Variants in TBC1D31 observed in about 807,000 individuals in gnomAD.
TBC1D31 encodes the protein TBC1 domain family member 31.
TBC1D31 carries 99 observed loss-of-function variants against 132.9 expected under a neutral mutation model. That is an observed-to-expected ratio of 0.74 (90% CI 0.63 to 0.88). The LOEUF is 0.88. Among genes scored for constraint, TBC1D31 ranks in the 40% least tolerant of loss-of-function variants. The pLI, the probability that TBC1D31 is intolerant of heterozygous loss-of-function variation, is 0.00. For missense variants in TBC1D31, 1,134 were observed against 1,256.6 expected (o/e 0.90, Z 1.48); for synonymous variants, 385 against 419.4 (o/e 0.92, Z 1.00).
At chr8:123,129,284 T>C in intron 15 of TBC1D31, 66 bp downstream of exon 15, 1 of 1,119,504 alleles carries the variant, frequency 8.9e-7, no homozygotes, top group Non-Finnish European at 1.2e-6. Flanking sequence ...TTATGTTCTT[T>C]CATTTTTTCA....
intron 4 of TBC1D31, 28 bp downstream of exon 4, chr8:123,084,368 T>C: frequency 6.2e-7 from 1 of 1,604,640 alleles, no homozygotes; most frequent in South Asian, 1.1e-5. Context: ...TCTTGGTCTG[T>C]TGTGCTTCTC....
At chr8:123,157,016 A>T (rs1321676666), downstream of TBC1D31, among the ~76,000 whole-genome samples, 1 of 152,238 alleles carries the variant, frequency 6.6e-6, no homozygotes, top group Non-Finnish European at 1.5e-5. Context: ...CAGGTCGAGC[A>T]GTCGGGGACT....
At position 123,109,638 on chromosome 8, in the gene TBC1D31, C is replaced by T; in HGVS notation, c.1436+18C>T. On this transcript the variant is annotated intron_variant, in intron 10 of 21. Transcript: ENST00000287380. ...TTACAGAGGTATGTTCTATATATTG[C>T]AGCAATGTGTATGAGACCTGTAACT... 1 of 1,583,488 alleles carries T rather than the reference C, an allele frequency of 6.3e-7. No homozygotes were observed. The highest frequency in any genetic ancestry group is 8.6e-7 in the Non-Finnish European group (1 of 1,166,138).
intron 16 of TBC1D31, among the ~76,000 whole-genome samples, chr8:123,133,547 A>G (rs1156713376): frequency 1.3e-5 from 2 of 152,334 alleles, no homozygotes; most frequent in Admixed American, 1.3e-4. Flanking sequence ...CATTTCTAAG[A>G]GTCTCTAGAG....
intron 2 of TBC1D31, among the ~76,000 whole-genome samples, chr8:123,079,026 C>T (rs938740995): frequency 6.6e-6 from 1 of 152,148 alleles, no homozygotes; most frequent in African/African-American, 2.4e-5. Context: ...TGATATTCCT[C>T]CCAAGATATA....
chr8:123,140,678 C>T (rs1790554214), intron 17 of TBC1D31, 83 bp from the exon 18 acceptor site: 2 of 1,062,494 alleles, frequency 1.9e-6, no homozygotes, highest in Non-Finnish European at 2.7e-6. Context: ...TATTTGTGTG[C>T]ATATTACTAT....
intron 16 of TBC1D31, among the ~76,000 whole-genome samples, chr8:123,131,429 A>G (rs539198617): frequency 5.3e-5 from 8 of 151,226 alleles, no homozygotes; most frequent in African/African-American, 1.7e-4. Flanking sequence ...TAGATAGAGG[A>G]GTAATTATAG....
At chr8:123,076,338 A>ATGTGTG (rs71310650) in intron 1 of TBC1D31, among the ~76,000 whole-genome samples, 1,928 of 149,422 alleles carry the variant, frequency 0.013, 25 homozygotes, top group African/African-American at 0.045. Context: ...AATTGTGTGT[A>ATGTGTG]TGTGTGTGTG....
At chr8:123,141,011 C>A in intron 18 of TBC1D31, 110 bp downstream of exon 18, 1 of 1,040,536 alleles carries the variant, frequency 9.6e-7, no homozygotes, top group Non-Finnish European at 1.4e-6. Flanking sequence ...TAGTTTGTTT[C>A]TTTGCTTCAG....
intron 17 of TBC1D31, among the ~76,000 whole-genome samples, chr8:123,137,635 G>A (rs1196688994): frequency 2.6e-5 from 4 of 152,216 alleles, no homozygotes; most frequent in Non-Finnish European, 4.4e-5. Context: ...TGGGGGTCAT[G>A]TAGACATGGA....
At chr8:123,073,296 T>C (rs1814102913) in intron 1 of TBC1D31, 1 of 458,436 alleles carries the variant, frequency 2.2e-6, no homozygotes. Context: ...CCTTAAATCC[T>C]TGGATGTGTT....
rs925780582 is a variant in TBC1D31, at chr8:123,110,316, C to T, written c.1436+696C>T. ...TCTTTTAGAATGCATATGCTAGAGT[C>T]CATTCCTAGGAAGCATCCAGTAAAT... On this transcript the variant is annotated intron_variant, in intron 10 of 21. Transcript: ENST00000287380. Among the ~76,000 whole-genome samples the T allele has an allele frequency of 3.3e-5, 5 of 152,100 alleles. No homozygotes were observed. The South Asian group carries it at 6.2e-4, about 19-fold the overall frequency.
rs1815483439 is a variant in TBC1D31 at position 123,084,247 on chromosome 8, C to T, written c.426C>T (p.Ile142=). Residue 142 remains isoleucine (I), a synonymous_variant, in exon 4 of 22, where the codon ATC becomes ATT. Coordinates refer to ENST00000287380, the MANE Select transcript of TBC1D31 (RefSeq NM_145647.4). ...ISVHASGKYA[I]TTSSDTAQLW... is the part of the protein sequence containing the mutation. ...TGCATGCATCAGGGAAATATGCCAT[C>T]ACAACTTCTTCTGATACAGCACAAT... 1 of 1,614,144 alleles carries T rather than the reference C, an allele frequency of 6.2e-7. No homozygotes were observed. The highest frequency in any genetic ancestry group is 1.3e-5 in the African/African-American group (1 of 75,058).
chr8:123,150,660 G>A (rs1364035057), intron 21 of TBC1D31, among the ~76,000 whole-genome samples: 2 of 152,172 alleles, frequency 1.3e-5, no homozygotes, highest in Non-Finnish European at 2.9e-5. Context: ...GCTGACTTTT[G>A]ATCCCTGGAC....
In TBC1D31 at chr8:123,072,712, G is replaced by T; in HGVS notation, c.-58G>T. ...CCGGGCCGGGAGCGCTGGGCCTGCC[G>T]GGAAGGCGCTGGGACGGTTACCCAG... On this transcript the variant is annotated 5_prime_UTR_variant, in exon 1 of 22. Transcript: ENST00000287380. 6.5e-7 allele frequency: 1 copy of T among 1,531,678 alleles called. No homozygotes were observed. 94.9% of individuals were successfully genotyped at this position (1,531,678 alleles called of 1,614,324 possible).
chr8:123,151,497 G>A (rs1206123681), intron 21 of TBC1D31, among the ~76,000 whole-genome samples: 2 of 152,124 alleles, frequency 1.3e-5, no homozygotes, highest in Non-Finnish European at 2.9e-5. Context: ...AAGCATCATT[G>A]TGAGGAAGCT....
At chr8:123,123,225 C>A in intron 11 of TBC1D31, 1 of 152,368 alleles carries the variant, frequency 6.6e-6, no homozygotes. Flanking sequence ...TCAGAGTTTT[C>A]TAAGAAGGGC....
Position 123,126,580 on chromosome 8 carries a change from G to A in TBC1D31, c.1777G>A (p.Asp593Asn), listed in dbSNP as rs781425236. 19 of 1,613,838 alleles carry A rather than the reference G, an allele frequency of 1.2e-5. No homozygotes were observed. The highest frequency in any genetic ancestry group is 1.6e-4 in the Middle Eastern group (1 of 6,084). Reference sequence around the variant, plus strand: ...AAGAGAGGAGTGGCTGAAATTGTTCGATAATATCTTTTCCAACCATCCTTC... The same window carrying A: ...AAGAGAGGAGTGGCTGAAATTGTTCAATAATATCTTTTCCAACCATCCTTC... ...LTREEWLKLF[D>N]NIFSNHPSFL... Residue 593 changes from aspartate to asparagine, a missense_variant, in exon 13 of 22, where the codon GAT becomes AAT. Transcript: ENST00000287380.
intron 19 of TBC1D31, 38 bp downstream of exon 19, chr8:123,142,494 T>C (rs1043413806): frequency 1.1e-5 from 15 of 1,386,584 alleles, no homozygotes; most frequent in Non-Finnish European, 1.3e-5. Flanking sequence ...ATATCAAGCA[T>C]TGATTTTTTT....
Sources: allele counts gnomAD v4.1 joint callset (sites outside exome capture counted in the v4.1 genomes callset), GRCh38; gene constraint gnomAD v4.1.1; transcripts MANE v1.5; gene names NCBI Gene and HGNC (gene_info 2026-07-23, HGNC 2026-07-21).